The following IQSEC1 variants were observed in gnomAD, a reference collection of about 807,000 sequenced individuals.
IQSEC1 encodes the protein IQ motif and Sec7 domain ArfGEF 1.
A neutral mutation model predicts 91.0 loss-of-function variants in IQSEC1; 31 were observed. That is an observed-to-expected ratio of 0.34 (90% CI 0.26 to 0.46). The LOEUF is 0.46. IQSEC1 is among the 20% of genes least tolerant of loss of function. The pLI is 1.00. For synonymous variants in IQSEC1, 699 were observed against 662.6 expected (o/e 1.05, Z -0.84); for missense variants, 1,388 against 1,575.6 (o/e 0.88, Z 2.02).
At chr3:13,204,167 C>A (rs1412915457) in intron 1 of IQSEC1, among the ~76,000 whole-genome samples, 8 of 152,192 alleles carry the variant, frequency 5.3e-5, no homozygotes, top group Admixed American at 3.9e-4. Context: ...GGGAGAGCTG[C>A]GGAGAGCTGC....
intron 1 of IQSEC1, among the ~76,000 whole-genome samples, chr3:13,024,373 CCA>C (rs1703525617): frequency 1.2e-4 from 1 of 8,052 alleles, no homozygotes; most frequent in Non-Finnish European, 3.3e-4. Context: ...ATCCATCACT[CCA>C]TCCATCCATC....
At chr3:13,222,646 C>G (rs1207782987) in intron 1 of IQSEC1, among the ~76,000 whole-genome samples, 2 of 152,226 alleles carry the variant, frequency 1.3e-5, no homozygotes, top group Non-Finnish European at 2.9e-5. Context: ...AGAATGGCCT[C>G]TCGCAGCAGA....
intron 2 of IQSEC1, among the ~76,000 whole-genome samples, chr3:13,155,590 A>G (rs895604475): frequency 2.6e-5 from 4 of 152,176 alleles, no homozygotes; most frequent in African/African-American, 9.7e-5. Flanking sequence ...TCTTCCAAAA[A>G]CTTCAAGTAG....
intron 2 of IQSEC1, among the ~76,000 whole-genome samples, chr3:13,081,826 C>G (rs1185162337): frequency 6.6e-6 from 1 of 152,162 alleles, no homozygotes; most frequent in Non-Finnish European, 1.5e-5. Context: ...AGCCTGCTTT[C>G]CCTCTCTAAG....
upstream of IQSEC1, among the ~76,000 whole-genome samples, chr3:13,073,565 G>A (rs957146977): frequency 6.6e-6 from 1 of 151,700 alleles, no homozygotes; most frequent in East Asian, 1.9e-4. Flanking sequence ...GCTCGGCTGC[G>A]CCCTCGCGGC....
chr3:13,035,142 C>T (rs1485691877), intron 1 of IQSEC1, among the ~76,000 whole-genome samples: 1 of 152,214 alleles, frequency 6.6e-6, no homozygotes, highest in Non-Finnish European at 1.5e-5. Context: ...TCCCAGGGAG[C>T]CTTTTTCACA....
At chr3:13,198,255 T>C (rs1694171212) in intron 1 of IQSEC1, among the ~76,000 whole-genome samples, 1 of 152,210 alleles carries the variant, frequency 6.6e-6, no homozygotes, top group Non-Finnish European at 1.5e-5. Flanking sequence ...CTGCTTGTTA[T>C]GGCCCATTTG....
At chr3:13,056,462 G>C (rs1257796388) in intron 1 of IQSEC1, among the ~76,000 whole-genome samples, 1 of 152,156 alleles carries the variant, frequency 6.6e-6, no homozygotes, top group Non-Finnish European at 1.5e-5. Flanking sequence ...GGTGCTGACA[G>C]GATCTCATTT....
chr3:13,179,976 A>G (rs1220813981), intron 1 of IQSEC1, among the ~76,000 whole-genome samples: 1 of 151,726 alleles, frequency 6.6e-6, no homozygotes, highest in East Asian at 1.9e-4. Flanking sequence ...CCTGCAGCCC[A>G]CCATGCCTGA....
chr3:12,935,569 C>A lies in IQSEC1; in HGVS notation c.1447G>T (p.Glu483Ter). ...SESSSRDSLR[E>*]QTLSKQTYHK... ...TAGGTCTGCTTGCTGAGCGTCTGCT[C>A]CCGCAGGCTGTCACGGGACGATGAC... The change falls in exon 3 of 14, where the codon GAG becomes TAG. Residue 483 changes from glutamate to a stop codon, truncating the protein, a stop_gained. Transcript: ENST00000613206. LOFTEE classifies it high-confidence loss of function. The surrounding 1 kb of genome is among the most constrained non-coding windows in gnomAD (Gnocchi z 8.0). 6.2e-7 allele frequency: 1 copy of A among 1,614,080 alleles called. No homozygotes were observed. Among genetic ancestry groups the A allele is most frequent in the Non-Finnish European group, 8.5e-7 (1 of 1,180,024 alleles).
Position 12,922,052 on chromosome 3 carries a change from C to G in IQSEC1, c.1853+68G>C. On this transcript the variant is annotated intron_variant, in intron 5 of 13. Transcript: ENST00000613206. This position sits in a 1 kb window ranked among gnomAD's most constrained non-coding sequence, Gnocchi z 5.1. ...GTGGGGATGCAGTCTTTGGTCCATC[C>G]TCGGGCCCTGAAGCTGGGGGACACC... 6.7e-7 allele frequency: 1 copy of G among 1,495,724 alleles called. No homozygotes were observed. The highest frequency in any genetic ancestry group is 2.1e-5 in the Admixed American group (1 of 48,630). 92.7% of individuals were successfully genotyped at this position (1,495,724 alleles called of 1,614,324 possible). A position where few individuals can be genotyped will look rare whatever the true frequency, so the allele number is the denominator to read the frequency against.
chr3:13,221,652 G>A lies in IQSEC1; in HGVS notation c.273-57519C>T, dbSNP rs532592672. Among the ~76,000 whole-genome samples the A allele has an allele frequency of 9.2e-5, 14 of 151,958 alleles. No individual in the cohort carries two copies. The East Asian group carries it at 2.7e-3, about 30-fold the overall frequency. ...CCAGGAACAGACGCCTGGAGCCCAC[G>A]GCGGCTCTCCGTCTCCTGCCCAAGT... On this transcript the variant is annotated intron_variant, in intron 1 of 15. Transcript: ENST00000648114.
chr3:13,064,911 T>C (rs774865630), intron 1 of IQSEC1, among the ~76,000 whole-genome samples: 2 of 152,218 alleles, frequency 1.3e-5, no homozygotes, highest in African/African-American at 4.8e-5. Context: ...GAGATGCTGA[T>C]AACTGTGCCC....
chr3:13,258,999 T>G (rs56073575), intron 1 of IQSEC1, among the ~76,000 whole-genome samples: 7,231 of 152,016 alleles, frequency 0.048, 567 homozygotes, highest in African/African-American at 0.16. Context: ...ATCTTTCCCC[T>G]GGGCCTCAGC....
chr3:13,036,315 C>A (rs1704033618), intron 1 of IQSEC1, among the ~76,000 whole-genome samples: 1 of 152,160 alleles, frequency 6.6e-6, no homozygotes, highest in Non-Finnish European at 1.5e-5. Flanking sequence ...TCTCTGCCTT[C>A]AGTTTTTCCT....
chr3:12,901,583 A>AT (rs375066530), intron 13 of IQSEC1, 61 bp from the exon 14 acceptor site: 43,496 of 1,167,760 alleles, frequency 0.037, 198 homozygotes, highest in Middle Eastern at 0.069. Flanking sequence ...GGTCAGAATG[A>AT]TTTTTTTTTT....
chr3:12,966,997 C>T (rs1420265807), intron 1 of IQSEC1, among the ~76,000 whole-genome samples: 3 of 152,140 alleles, frequency 2.0e-5, no homozygotes, highest in Non-Finnish European at 4.4e-5. Context: ...TCCGCTCTCC[C>T]TCCTGCCCCT....
chr3:13,054,228 C>T (rs1333061084), intron 1 of IQSEC1, among the ~76,000 whole-genome samples: 1 of 152,226 alleles, frequency 6.6e-6, no homozygotes, highest in Non-Finnish European at 1.5e-5. Context: ...GACCAATTCC[C>T]GGCATGGCTG....
chr3:13,094,593 C>G (rs1705923425), intron 2 of IQSEC1, among the ~76,000 whole-genome samples: 1 of 152,196 alleles, frequency 6.6e-6, no homozygotes, highest in Admixed American at 6.5e-5. Context: ...GCACTAAGTA[C>G]TGTTCGTGGA....
Sources: gnomAD v4.1 joint callset for allele counts (sites outside exome capture counted in the v4.1 genomes callset) on GRCh38, gnomAD v4.1.1 for gene constraint, Gnocchi (gnomAD v3.1) non-coding constraint, MANE v1.5 for transcripts, NCBI Gene and HGNC (gene_info 2026-07-23, HGNC 2026-07-21) for gene names.